Variants in CIMAP1D observed in about 807,000 individuals in gnomAD.
CIMAP1D encodes protein CIMAP1D.
At chr19:480,590 G>GA in the CIMAP1D span, among the ~76,000 whole-genome samples, 17 of 112,706 alleles carry the variant, frequency 1.5e-4, no homozygotes, top group East Asian at 3.2e-4. Flanking sequence ...GAGAAGGAAT[G>GA]TGGGAAGGTG....
the CIMAP1D span, chr19:489,756 A>G: frequency 1.2e-5 from 4 of 344,196 alleles, no homozygotes; most frequent in Non-Finnish European, 2.1e-5. Flanking sequence ...CCACCCTCCC[A>G]ACCCGTTAGG....
chr19:480,729 T>C, the CIMAP1D span, among the ~76,000 whole-genome samples: 1 of 134,598 alleles, frequency 7.4e-6, no homozygotes, highest in African/African-American at 2.8e-5. Flanking sequence ...GGAAGGATGA[T>C]GGGAAGGATG....
chr19:470,964 C>A, the CIMAP1D span, among the ~76,000 whole-genome samples: 5 of 152,216 alleles, frequency 3.3e-5, no homozygotes, highest in Admixed American at 1.3e-4. Flanking sequence ...GCCTGCCCTC[C>A]CGCAGGCAGC....
At chr19:484,495 G>C in the CIMAP1D span, among the ~76,000 whole-genome samples, 11 of 152,336 alleles carry the variant, frequency 7.2e-5, no homozygotes, top group South Asian at 2.3e-3. Context: ...GGAGTGTGCA[G>C]TGACGTGATC....
the CIMAP1D span, chr19:464,179 T>C: frequency 6.6e-7 from 1 of 1,507,308 alleles, no homozygotes; most frequent in South Asian, 1.3e-5. Context: ...CTGGGGCTGC[T>C]GGGCTTGGTG....
the CIMAP1D span, chr19:474,775 C>T: frequency 6.9e-7 from 1 of 1,458,148 alleles, no homozygotes; most frequent in Non-Finnish European, 9.1e-7. Context: ...CCCCACAGCA[C>T]CCACGGGGCC....
At chr19:489,940 C>T in the CIMAP1D span, 1 of 397,756 alleles carries the variant, frequency 2.5e-6, no homozygotes, top group African/African-American at 2.1e-5. Context: ...CATTTGGCCC[C>T]TGCCCGGTGC....
the CIMAP1D span, chr19:464,207 C>T: frequency 6.6e-6 from 10 of 1,515,566 alleles, no homozygotes; most frequent in Non-Finnish European, 8.8e-6. Context: ...GTGAGCCCCA[C>T]AGAGGGGGCA....
chr19:481,188 A>G, the CIMAP1D span, among the ~76,000 whole-genome samples: 1 of 135,056 alleles, frequency 7.4e-6, no homozygotes, highest in African/African-American at 3.1e-5. Context: ...GGAATGTGGG[A>G]AGGATGATGG....
chr19:474,061 A>G, the CIMAP1D span, among the ~76,000 whole-genome samples: 2 of 152,190 alleles, frequency 1.3e-5, no homozygotes, highest in Non-Finnish European at 2.9e-5. Context: ...ATACACGGTC[A>G]CAGACGCCAT....
chr19:485,188 T>C, the CIMAP1D span, among the ~76,000 whole-genome samples: 1 of 152,166 alleles, frequency 6.6e-6, no homozygotes, highest in African/African-American at 2.4e-5. Context: ...TGCCGTGCTC[T>C]ACCACGTAAC....
the CIMAP1D span, chr19:464,294 CG>C: frequency 1.3e-6 from 2 of 1,541,222 alleles, no homozygotes; most frequent in South Asian, 2.4e-5. Context: ...TGAAAGCCGG[CG>C]GTGTCCGATG....
the CIMAP1D span, among the ~76,000 whole-genome samples, chr19:477,400 C>T: frequency 6.6e-6 from 1 of 151,914 alleles, no homozygotes; most frequent in Non-Finnish European, 1.5e-5. Flanking sequence ...ATGGTGAAAC[C>T]CCGTCTCTAT....
the CIMAP1D span, among the ~76,000 whole-genome samples, chr19:480,494 G>GAAC: frequency 8.7e-6 from 1 of 114,636 alleles, no homozygotes; most frequent in Admixed American, 7.9e-5. Context: ...ATGATGGTAA[G>GAAC]GATGATGGAG....
chr19:480,347 C>G, the CIMAP1D span, among the ~76,000 whole-genome samples: 1 of 152,240 alleles, frequency 6.6e-6, no homozygotes, highest in East Asian at 1.9e-4. Flanking sequence ...TCAGAGCTCA[C>G]AAGCGCCCTC....
At chr19:481,144 T>A in the CIMAP1D span, among the ~76,000 whole-genome samples, 2 of 42,580 alleles carry the variant, frequency 4.7e-5, no homozygotes, top group Non-Finnish European at 7.3e-5. Flanking sequence ...TGGGGAAGGA[T>A]GATGGGAAGG....
chr19:467,804 C>T, the CIMAP1D span: 3 of 1,300,568 alleles, frequency 2.3e-6, no homozygotes, highest in Non-Finnish European at 3.2e-6. Flanking sequence ...ATTCTGAAGA[C>T]AGTGCCTGCC....
At chr19:466,128 G>A in the CIMAP1D span, among the ~76,000 whole-genome samples, 1 of 145,306 alleles carries the variant, frequency 6.9e-6, no homozygotes, top group African/African-American at 2.6e-5. Context: ...TGGGTGGGTG[G>A]GTGGATGGAT....
chr19:474,715 C>A, the CIMAP1D span: 1 of 1,551,638 alleles, frequency 6.4e-7, no homozygotes, highest in Non-Finnish European at 8.7e-7. Context: ...CTGTGGCCAG[C>A]CGTGGGGTGG....
Sources: allele counts gnomAD v4.1 joint callset (sites outside exome capture counted in the v4.1 genomes callset), GRCh38; gene constraint gnomAD v4.1.1; transcripts MANE v1.5; gene names NCBI Gene and HGNC (gene_info 2026-07-23, HGNC 2026-07-21).